STK17B: variants seen among roughly 807,000 people sequenced by gnomAD.
The protein encoded by STK17B is serine/threonine-protein kinase 17B.
In STK17B, 21 loss-of-function variants were observed where a neutral mutation model predicts 42.0. The ratio of observed to expected loss-of-function variants is 0.50; its 90% CI spans 0.35 to 0.72. The LOEUF (loss-of-function observed/expected upper bound fraction) is 0.72. Ranked by LOEUF, STK17B falls within the 30% of genes least tolerant of loss-of-function variation. The pLI, the probability that STK17B is intolerant of heterozygous loss-of-function variation, is 0.00. For synonymous variants in STK17B, 143 were observed against 148.4 expected (o/e 0.96, Z 0.26); for missense variants, 349 against 446.0 (o/e 0.78, Z 1.96).
At chr2:196,155,584 CTTA>C (rs1041546768) in intron 3 of STK17B, among the ~76,000 whole-genome samples, 3 of 152,080 alleles carry the variant, frequency 2.0e-5, no homozygotes, top group African/African-American at 7.2e-5. Context: ...AAAATAAACA[CTTA>C]TCTCTTCTTG....
chr2:196,170,362 G>C (rs931055263), intron 1 of STK17B, among the ~76,000 whole-genome samples: 2 of 152,156 alleles, frequency 1.3e-5, no homozygotes, highest in African/African-American at 4.8e-5. Flanking sequence ...TAGCACCACA[G>C]ATGTAAACAT....
intron 3 of STK17B, chr2:196,151,650 T>C (rs1439846341): frequency 6.6e-6 from 1 of 152,216 alleles, no homozygotes; most frequent in African/African-American, 2.4e-5. Context: ...TTTTAATATG[T>C]ATAGCTATAT....
At chr2:196,151,637 G>T (rs1699667534) in intron 3 of STK17B, 1 of 152,088 alleles carries the variant, frequency 6.6e-6, no homozygotes, top group East Asian at 1.9e-4. Context: ...TTTTTAAAAA[G>T]ATTTTTAATA....
intron 3 of STK17B, chr2:196,153,599 T>C (rs566027363): frequency 6.6e-6 from 1 of 152,260 alleles, no homozygotes; most frequent in South Asian, 2.1e-4. Context: ...TATTCCCCAC[T>C]TAAAAGAACC....
At position 196,137,677 on chromosome 2, in the gene STK17B, C is replaced by T. The variant is rs776845846; in HGVS notation, c.889G>A (p.Asp297Asn). 5 of 1,614,042 alleles carry T rather than the reference C, an allele frequency of 3.1e-6. No homozygotes were observed. Among genetic ancestry groups the T allele is most frequent in the African/African-American group, 2.7e-5 (2 of 75,044 alleles). The change falls in exon 8 of 8, where the codon GAC becomes AAC. Residue 297 changes from aspartate (D) to asparagine (N), a missense_variant. By Grantham distance (23) the Asp-to-Asn change is conservative (BLOSUM62 1). Transcript: ENST00000263955. ...TCAGGGTGAAACAAGTTTTCAAAGT[C>T]CCACTGCTGTAGCCAAGAATGAGAA... ...CLSHSWLQQW[D>N]FENLFHPEET... is the part of the protein sequence containing the mutation.
chr2:196,175,322 T>G (rs1396702505), upstream of STK17B, among the ~76,000 whole-genome samples: 1 of 152,232 alleles, frequency 6.6e-6, no homozygotes, highest in Non-Finnish European at 1.5e-5. Context: ...CTAAGTTGTT[T>G]TGAACAAACT....
At chr2:196,150,417 A>C (rs531635312) in intron 3 of STK17B, among the ~76,000 whole-genome samples, 243 of 152,328 alleles carry the variant, frequency 1.6e-3, no homozygotes, top group Middle Eastern at 6.8e-3. Flanking sequence ...ACGTGATAAG[A>C]GTACTTTAGC....
At chr2:196,148,495 A>G (rs1575176368) in intron 3 of STK17B, among the ~76,000 whole-genome samples, 1 of 151,164 alleles carries the variant, frequency 6.6e-6, no homozygotes, top group East Asian at 1.9e-4. Flanking sequence ...AAATGAAGAA[A>G]GAACACTTTA....
chr2:196,137,878 T>TAA, intron 7 of STK17B, 149 bp from the exon 8 acceptor site: 2 of 852,868 alleles, frequency 2.3e-6, no homozygotes, highest in Non-Finnish European at 3.5e-6. Context: ...AAGAGAATAA[T>TAA]AATGATAATA....
chr2:196,151,647 A>G (rs1305740919), intron 3 of STK17B: 1 of 152,218 alleles, frequency 6.6e-6, no homozygotes, highest in African/African-American at 2.4e-5. Context: ...GATTTTTAAT[A>G]TGTATAGCTA....
intron 3 of STK17B, among the ~76,000 whole-genome samples, chr2:196,147,536 T>C (rs1159556254): frequency 3.3e-5 from 5 of 152,156 alleles, no homozygotes; most frequent in Non-Finnish European, 7.3e-5. Context: ...ACTCTAGATA[T>C]AATTTGCAAT....
chr2:196,151,295 G>A (rs1301825925), intron 3 of STK17B: 1 of 152,080 alleles, frequency 6.6e-6, no homozygotes, highest in Non-Finnish European at 1.5e-5. Context: ...CCAGACTGGG[G>A]TGCAGTGGTG....
intron 3 of STK17B, among the ~76,000 whole-genome samples, chr2:196,149,753 AG>A (rs1185996732): frequency 6.6e-6 from 1 of 152,238 alleles, no homozygotes; most frequent in Non-Finnish European, 1.5e-5. Context: ...TTTTAAATAC[AG>A]GAACATATCA....
chr2:196,139,629 T>C lies in STK17B; in HGVS notation c.827A>G (p.Lys276Arg). 1 of 1,375,672 alleles carries C rather than the reference T, an allele frequency of 7.3e-7. No individual in the cohort carries two copies. Among genetic ancestry groups the C allele is most frequent in the South Asian group, 2.2e-5 (1 of 45,546 alleles). The allele number at this position is 1,375,672 out of a possible 1,614,324, so 85.2% of individuals were successfully genotyped here. A position where few individuals can be genotyped will look rare whatever the true frequency, so the allele number is the denominator to read the frequency against. Residue 276 changes from lysine (K) to arginine (R), a missense_variant, in exon 7 of 8, where the codon AAA becomes AGA. This residue lies in a region of STK17B where 256 missense variants were observed against 347.7 expected (regional missense o/e 0.74). Coordinates refer to ENST00000263955, the MANE Select transcript of STK17B (RefSeq NM_004226.4). ...ATDFIQSLLV[K>R]NPEKRPTAEI... ...ACAAATTATTACTTACTCTGGATTTTTTACTAAAAGGCTCTGAATAAAGTC... is the reference window on the plus strand; with the variant it reads ...ACAAATTATTACTTACTCTGGATTTCTTACTAAAAGGCTCTGAATAAAGTC...
Position 196,134,548 on chromosome 2 carries a change from G to A in STK17B, c.*2899C>T, listed in dbSNP as rs954891717. ...TTTTCTTCCACAAAACCCGTCCCTAGTGCCAAAACAGTTGGAGATCGCTCC... is the reference window on the plus strand; with the variant it reads ...TTTTCTTCCACAAAACCCGTCCCTAATGCCAAAACAGTTGGAGATCGCTCC... On this transcript the variant is annotated 3_prime_UTR_variant, in exon 8 of 8. Transcript: ENST00000263955. 4 of 152,162 alleles carry A rather than the reference G, an allele frequency of 2.6e-5. No homozygotes were observed. The highest frequency in any genetic ancestry group is 4.4e-5 in the Non-Finnish European group (3 of 68,026). 9.4% of individuals were successfully genotyped at this position (152,162 alleles called of 1,614,324 possible). A position where few individuals can be genotyped will look rare whatever the true frequency, so the allele number is the denominator to read the frequency against.
At chr2:196,167,842 T>C (rs2105715825) in intron 1 of STK17B, among the ~76,000 whole-genome samples, 1 of 152,322 alleles carries the variant, frequency 6.6e-6, no homozygotes, top group South Asian at 2.1e-4. Flanking sequence ...GGAAGCAAAG[T>C]AAGCCCGAAG....
chr2:196,171,468 G>A lies in STK17B; in HGVS notation c.-180C>T, dbSNP rs921390357. 6 of 152,302 alleles carry A rather than the reference G, an allele frequency of 3.9e-5. No homozygotes were observed. The highest frequency in any genetic ancestry group is 1.4e-4 in the African/African-American group (6 of 41,466). 9.4% of individuals were successfully genotyped at this position (152,302 alleles called of 1,614,324 possible). A position where few individuals can be genotyped will look rare whatever the true frequency, so the allele number is the denominator to read the frequency against. On this transcript the variant is annotated 5_prime_UTR_variant, in exon 1 of 8. Transcript: ENST00000263955. The stretch of plus-strand genomic sequence containing the variant: ...CGCCAGGGAGCTCCGAACGTGGCAG[G>A]ATCCACTTTTACTTTTCCAGACAAG...
chr2:196,162,545 T>C (rs1041712169), intron 2 of STK17B, among the ~76,000 whole-genome samples: 2 of 152,004 alleles, frequency 1.3e-5, no homozygotes, highest in African/African-American at 4.8e-5. Context: ...ATAACAACCA[T>C]ATAAGACAGA....
chr2:196,154,827 A>G (rs958535238), intron 3 of STK17B: 2 of 152,252 alleles, frequency 1.3e-5, no homozygotes, highest in African/African-American at 2.4e-5. Context: ...CCGAAGTTCT[A>G]GCAATAAATT....
Sources: gnomAD v4.1 joint callset for allele counts (sites outside exome capture counted in the v4.1 genomes callset) on GRCh38, gnomAD v4.1.1 for gene constraint, gnomAD v4.1.1 regional missense constraint, MANE v1.5 for transcripts, NCBI Gene and HGNC (gene_info 2026-07-23, HGNC 2026-07-21) for gene names.